The following FRMPD4 variants were observed in gnomAD, a reference collection of about 807,000 sequenced individuals.
FRMPD4 encodes FERM and PDZ domain-containing protein 4.
A neutral mutation model predicts 94.1 loss-of-function variants in FRMPD4; 22 were observed. The ratio of observed to expected loss-of-function variants is 0.23; its 90% CI spans 0.17 to 0.33. FRMPD4 has a LOEUF of 0.33. FRMPD4 is among the 10% of genes least tolerant of loss of function. The probability of loss-of-function intolerance (pLI) is 1.00; values close to 1 mark genes in which losing one functional copy is unlikely to be tolerated. For synonymous variants in FRMPD4, 631 were observed against 548.6 expected, an observed-to-expected ratio of 1.15 and a Z score of -2.10; for missense variants, 1,111 against 1,339.9, an observed-to-expected ratio of 0.83 and a Z score of 2.67.
rs187383763 is a variant in FRMPD4 at position 12,474,736 on chromosome X, A to G, written c.42-23944A>G. Among the ~76,000 whole-genome samples, 8 of 111,816 alleles carry G rather than the reference A, an allele frequency of 7.2e-5. No individual in the cohort carries two copies. In the Admixed American group the frequency reaches 7.6e-4, roughly 11 times the overall value. ...AAAAAATGGATAAATTCCTCGACAC[A>G]TACACCCTCCCAAGACTAAACCAGG... On this transcript the variant is annotated intron_variant, in intron 1 of 16. Coordinates refer to ENST00000675598, the MANE Select transcript of FRMPD4 (RefSeq NM_001368397.1).
chrX:12,485,092 G>GC (rs1569295940), intron 1 of FRMPD4, among the ~76,000 whole-genome samples: 4 of 112,293 alleles, frequency 3.6e-5, no homozygotes, highest in African/African-American at 1.3e-4. Flanking sequence ...CTGGGCCAAG[G>GC]CCACCGGATG....
chrX:12,642,120 G>A (rs1342869531), intron 4 of FRMPD4, among the ~76,000 whole-genome samples: 1 of 111,591 alleles, frequency 9.0e-6, no homozygotes, highest in African/African-American at 3.3e-5. Flanking sequence ...TCCGCTGTGT[G>A]TTAGGCATGA....
At chrX:12,579,134 A>C (rs914834368) in intron 2 of FRMPD4, among the ~76,000 whole-genome samples, 4 of 112,363 alleles carry the variant, frequency 3.6e-5, no homozygotes, top group African/African-American at 1.3e-4. Flanking sequence ...CCCTAACACT[A>C]AAACCTGACT....
At chrX:12,191,653 T>A (rs1465469189) in intron 1 of FRMPD4, among the ~76,000 whole-genome samples, 1 of 106,797 alleles carries the variant, frequency 9.4e-6, no homozygotes, top group African/African-American at 3.3e-5. Context: ...AAGGCTATAA[T>A]ACTGTGTGAT....
At chrX:11,963,823 A>T (rs2054296003) in intron 3 of FRMPD4, among the ~76,000 whole-genome samples, 1 of 111,758 alleles carries the variant, frequency 8.9e-6, no homozygotes. Flanking sequence ...TTGACAGATT[A>T]TAAGGGAAAT....
At chrX:11,931,140 C>T (rs2579848) in intron 3 of FRMPD4, among the ~76,000 whole-genome samples, 5,786 of 111,647 alleles carry the variant, frequency 0.052, 164 homozygotes, top group Middle Eastern at 0.088. Flanking sequence ...TCTGACCATA[C>T]AGTATATGTA....
intron 2 of FRMPD4, among the ~76,000 whole-genome samples, chrX:12,607,552 G>A (rs756306621): frequency 1.8e-5 from 2 of 112,081 alleles, no homozygotes; most frequent in East Asian, 5.6e-4. Context: ...ATTATCTAAT[G>A]TGCCCCACAC....
At chrX:12,266,058 G>A (rs1483636578) in intron 1 of FRMPD4, among the ~76,000 whole-genome samples, 1 of 103,161 alleles carries the variant, frequency 9.7e-6, no homozygotes, top group African/African-American at 3.6e-5. Flanking sequence ...GCGTGAACCC[G>A]GGAGGCGGAG....
At chrX:12,517,699 C>T (rs1440518626) in intron 2 of FRMPD4, among the ~76,000 whole-genome samples, 1 of 112,437 alleles carries the variant, frequency 8.9e-6, no homozygotes, top group African/African-American at 3.2e-5. Context: ...GGATCCAGGA[C>T]CTGCTTAACG....
intron 1 of FRMPD4, among the ~76,000 whole-genome samples, chrX:11,835,154 C>T (rs183911932): frequency 2.7e-5 from 3 of 111,832 alleles, no homozygotes; most frequent in African/African-American, 9.7e-5. Context: ...CCACTGACCA[C>T]TGACTTCATT....
upstream of FRMPD4, among the ~76,000 whole-genome samples, chrX:12,136,908 CACACACACACACACACAT>C (rs1462695218): frequency 2.7e-5 from 3 of 109,180 alleles, no homozygotes; most frequent in Non-Finnish European, 5.7e-5. Context: ...CACACACACA[CACACACACACACACACAT>C]ACACACACAC....
At chrX:12,546,193 CTTTT>C (rs2058474328) in intron 2 of FRMPD4, among the ~76,000 whole-genome samples, 1 of 66,079 alleles carries the variant, frequency 1.5e-5, no homozygotes, top group Non-Finnish European at 3.0e-5. Context: ...TTTTTTTTTT[CTTTT>C]GAGATGGAGT....
intron 1 of FRMPD4, among the ~76,000 whole-genome samples, chrX:11,860,322 T>C (rs1180143803): frequency 1.8e-5 from 2 of 111,990 alleles, no homozygotes; most frequent in African/African-American, 6.5e-5. Flanking sequence ...AACTGCCTGA[T>C]TGAGGATCAT....
At chrX:12,454,513 G>A (rs1268834971) in intron 1 of FRMPD4, among the ~76,000 whole-genome samples, 1 of 109,079 alleles carries the variant, frequency 9.2e-6, no homozygotes, top group Admixed American at 9.8e-5. Flanking sequence ...AATATTGAAT[G>A]TCAAAGAATT....
intron 4 of FRMPD4, among the ~76,000 whole-genome samples, chrX:12,617,485 A>G (rs1235088017): frequency 8.9e-6 from 1 of 112,087 alleles, no homozygotes; most frequent in African/African-American, 3.2e-5. Flanking sequence ...ATGATCACAC[A>G]TTACAAAATA....
In FRMPD4 at chrX:12,420,455, C is replaced by T. The variant is rs138013635; in HGVS notation, c.42-78225C>T. Among the ~76,000 whole-genome samples, 867 of 111,972 alleles carry T rather than the reference C, an allele frequency of 7.7e-3. 44 individuals carry two copies. Among genetic ancestry groups the T allele is most frequent in the Admixed American group, 0.075 (792 of 10,573 alleles). On this transcript the variant is annotated intron_variant, in intron 1 of 16. Coordinates refer to ENST00000675598, the MANE Select transcript of FRMPD4 (RefSeq NM_001368397.1). ...ACTATTTCTTCAAGGCCCTGAAACACTTGTCCCCTCCACCTCTCACCTCAC... is the reference window on the plus strand; with the variant it reads ...ACTATTTCTTCAAGGCCCTGAAACATTTGTCCCCTCCACCTCTCACCTCAC...
At chrX:12,479,345 T>TAG (rs1280995566) in intron 1 of FRMPD4, among the ~76,000 whole-genome samples, 1 of 6,044 alleles carries the variant, frequency 1.7e-4, no homozygotes, top group Admixed American at 3.2e-3. Flanking sequence ...CAACAGTCTG[T>TAG]ATATATATAT....
chrX:11,951,220 G>A (rs947108897), intron 3 of FRMPD4, among the ~76,000 whole-genome samples: 1 of 110,850 alleles, frequency 9.0e-6, no homozygotes, highest in Admixed American at 9.6e-5. Context: ...AATACCATTC[G>A]ACCCAGCAAT....
intron 3 of FRMPD4, among the ~76,000 whole-genome samples, chrX:11,918,940 C>T (rs1266249971): frequency 8.9e-6 from 1 of 112,710 alleles, no homozygotes; most frequent in Non-Finnish European, 1.9e-5. Flanking sequence ...TGGAGGGTTT[C>T]TTCCCATCCA....
Sources: gnomAD v4.1 joint callset for allele counts (sites outside exome capture counted in the v4.1 genomes callset) on GRCh38, gnomAD v4.1.1 for gene constraint, MANE v1.5 for transcripts, NCBI Gene and HGNC (gene_info 2026-07-23, HGNC 2026-07-21) for gene names.